The following LRFN2 variants were observed in gnomAD, a reference collection of about 807,000 sequenced individuals.
The protein encoded by LRFN2 is leucine rich repeat and fibronectin type III domain containing 2, also known as leucine-rich repeat and fibronectin type-III domain-containing protein 2.
Under a neutral mutation model 37.3 loss-of-function variants are expected in LRFN2, and 18 were observed. The observed-to-expected ratio is 0.48, with a 90% CI of 0.33 to 0.72. The LOEUF (loss-of-function observed/expected upper bound fraction) is 0.72. Ranked by LOEUF, LRFN2 falls within the 30% of genes least tolerant of loss-of-function variation. The probability of loss-of-function intolerance (pLI) is 0.02; values close to 1 mark genes in which losing one functional copy is unlikely to be tolerated. For synonymous variants in LRFN2, 556 were observed against 466.6 expected (o/e 1.19, Z -2.47); for missense variants, 1,006 against 1,060.7 (o/e 0.95, Z 0.72).
At chr6:40,555,521 C>A (rs1766856393) in intron 1 of LRFN2, among the ~76,000 whole-genome samples, 2 of 152,316 alleles carry the variant, frequency 1.3e-5, no homozygotes, top group East Asian at 1.9e-4. Context: ...GACAGTGTTG[C>A]CACGCAGATC....
chr6:40,500,411 G>A (rs1336349126), intron 1 of LRFN2, among the ~76,000 whole-genome samples: 1 of 152,220 alleles, frequency 6.6e-6, no homozygotes, highest in Non-Finnish European at 1.5e-5. Flanking sequence ...CAGGCCGAGG[G>A]GCAGGCGGCT....
chr6:40,480,200 A>G (rs1426149975), intron 1 of LRFN2, among the ~76,000 whole-genome samples: 1 of 152,254 alleles, frequency 6.6e-6, no homozygotes, highest in Non-Finnish European at 1.5e-5. Flanking sequence ...GGCTCCATTT[A>G]CATGGCTAGA....
chr6:40,490,460 C>T (rs1041563917), intron 1 of LRFN2, among the ~76,000 whole-genome samples: 3 of 152,122 alleles, frequency 2.0e-5, no homozygotes, highest in Admixed American at 6.5e-5. Context: ...AGCCCTGTGG[C>T]CCCCAGAGCT....
chr6:40,468,069 T>C (rs1764512639), intron 1 of LRFN2, among the ~76,000 whole-genome samples: 2 of 151,792 alleles, frequency 1.3e-5, no homozygotes, highest in Non-Finnish European at 1.5e-5. Context: ...AGGACGGGGG[T>C]TCCCAAAACT....
At chr6:40,528,977 G>A (rs1766303370) in intron 1 of LRFN2, among the ~76,000 whole-genome samples, 1 of 152,138 alleles carries the variant, frequency 6.6e-6, no homozygotes, top group South Asian at 2.1e-4. Flanking sequence ...GGCACTGCCT[G>A]GGTGGCTCCT....
chr6:40,533,525 A>T (rs1174433833), intron 1 of LRFN2, among the ~76,000 whole-genome samples: 1 of 151,614 alleles, frequency 6.6e-6, no homozygotes, highest in Non-Finnish European at 1.5e-5. Context: ...ATTAAAACCA[A>T]AAAAAAAGCT....
intron 1 of LRFN2, among the ~76,000 whole-genome samples, chr6:40,526,310 C>G (rs942701801): frequency 1.3e-5 from 2 of 152,204 alleles, no homozygotes; most frequent in African/African-American, 4.8e-5. Context: ...TATGCGTCAC[C>G]ATTCCAAGTG....
At chr6:40,550,893 G>A (rs147477669) in intron 1 of LRFN2, among the ~76,000 whole-genome samples, 17 of 152,326 alleles carry the variant, frequency 1.1e-4, no homozygotes, top group African/African-American at 3.6e-4. Context: ...CGGGCATGGG[G>A]TGAGTATATC....
chr6:40,429,061 C>T (rs961696525), intron 2 of LRFN2, among the ~76,000 whole-genome samples: 3 of 152,186 alleles, frequency 2.0e-5, no homozygotes, highest in Admixed American at 1.3e-4. Context: ...TGGAGGATTT[C>T]CACACTGTAT....
At position 40,507,782 on chromosome 6, in the gene LRFN2, T is replaced by C. The variant is rs1397812601; in HGVS notation, c.-18-74651A>G. ...CTCTTGTAGATTTGAAACGACCTAC[T>C]CACAAAATACACAGGCCCTGAAATG... On this transcript the variant is annotated intron_variant, in intron 1 of 2. Coordinates refer to ENST00000338305, the MANE Select transcript of LRFN2 (RefSeq NM_020737.3). Among the ~76,000 whole-genome samples the C allele has an allele frequency of 2.6e-5, 4 of 152,174 alleles. No homozygotes were observed. The East Asian group carries it at 7.7e-4, about 29-fold the overall frequency.
intron 1 of LRFN2, among the ~76,000 whole-genome samples, chr6:40,575,708 C>CA (rs907374933): frequency 4.6e-5 from 7 of 152,142 alleles, no homozygotes; most frequent in Non-Finnish European, 1.0e-4. Flanking sequence ...ACCCCATCCC[C>CA]ACTCTCCCAC....
chr6:40,396,310 A>G (rs1295324527), intron 2 of LRFN2, among the ~76,000 whole-genome samples: 1 of 152,282 alleles, frequency 6.6e-6, no homozygotes. Context: ...TAAATCAGGC[A>G]GTTTGGCTCC....
intron 2 of LRFN2, among the ~76,000 whole-genome samples, chr6:40,399,532 G>T (rs1451502867): frequency 6.6e-6 from 1 of 150,434 alleles, no homozygotes; most frequent in Non-Finnish European, 1.5e-5. Context: ...CCGCCTCAGG[G>T]GCTCAAGCGA....
chr6:40,468,371 A>C (rs1299005044), intron 1 of LRFN2, among the ~76,000 whole-genome samples: 1 of 152,086 alleles, frequency 6.6e-6, no homozygotes, highest in Non-Finnish European at 1.5e-5. Flanking sequence ...CCCAGTAAAA[A>C]CATGATAAGA....
In LRFN2 at chr6:40,392,302, C is replaced by T; in HGVS notation, c.2011G>A (p.Glu671Lys). 6.2e-7 allele frequency: 1 copy of T among 1,610,454 alleles called. No individual in the cohort carries two copies. Among genetic ancestry groups the T allele is most frequent in the Non-Finnish European group, 8.5e-7 (1 of 1,178,682 alleles). Residue 671 changes from glutamate to lysine, a missense_variant, in exon 3 of 3, where the codon GAG (glutamate) becomes AAG (lysine). Around this residue, in one of 4 missense-constraint regions of LRFN2, gnomAD observed 398 missense variants for 327.6 expected, o/e 1.21. Coordinates refer to ENST00000338305, the MANE Select transcript of LRFN2 (RefSeq NM_020737.3). The surrounding 1 kb of genome is among the most constrained non-coding windows in gnomAD (Gnocchi z 4.7). Reference protein sequence around the residue: ...ASLDLKSQRKEELLDSRTPAG... With the variant: ...ASLDLKSQRKKELLDSRTPAG... ...GGAGTCCTGGAGTCCAGCAGCTCCT[C>T]CTTTCTCTGACTCTTGAGGTCCAGG...
chr6:40,461,139 G>A (rs752980072), intron 1 of LRFN2, among the ~76,000 whole-genome samples: 19 of 152,210 alleles, frequency 1.2e-4, no homozygotes, highest in Non-Finnish European at 2.8e-4. Context: ...GGGCGCAGTG[G>A]TTCATGCCTG....
chr6:40,432,817 G>C lies in LRFN2; in HGVS notation c.297C>G (p.Leu99=). ...CAAGATGCAGGGAGCGGAGGCTCTC[G>C]AGGTCCAGAAAGGAAAAGGGCTGGA... ...SHIQPFSFLD[L]ESLRSLHLDS... The change falls in exon 2 of 3, where the codon CTC becomes CTG. Residue 99 remains leucine (L), a synonymous_variant. Coordinates refer to ENST00000338305, the MANE Select transcript of LRFN2 (RefSeq NM_020737.3). 6.2e-7 allele frequency: 1 copy of C among 1,614,208 alleles called. No homozygotes were observed. Among genetic ancestry groups the C allele is most frequent in the Non-Finnish European group, 8.5e-7 (1 of 1,180,040 alleles).
intron 2 of LRFN2, among the ~76,000 whole-genome samples, chr6:40,427,982 A>G (rs1270215354): frequency 1.3e-5 from 2 of 152,222 alleles, no homozygotes; most frequent in Non-Finnish European, 2.9e-5. Context: ...CTGGGCAAAC[A>G]TACAGGCTGC....
chr6:40,429,267 C>T (rs1436722598), intron 2 of LRFN2, among the ~76,000 whole-genome samples: 1 of 152,214 alleles, frequency 6.6e-6, no homozygotes, highest in Non-Finnish European at 1.5e-5. Flanking sequence ...GCCCTGTCCT[C>T]CTCCTCCCAG....
Sources: allele counts gnomAD v4.1 joint callset (sites outside exome capture counted in the v4.1 genomes callset), GRCh38; gene constraint gnomAD v4.1.1; regional missense constraint gnomAD v4.1.1; non-coding constraint Gnocchi (gnomAD v3.1); transcripts MANE v1.5; gene names NCBI Gene and HGNC (gene_info 2026-07-23, HGNC 2026-07-21).